SLC9A7: variants seen among roughly 807,000 people sequenced by gnomAD.
SLC9A7 encodes the protein sodium/hydrogen exchanger 7.
A neutral mutation model predicts 52.6 loss-of-function variants in SLC9A7; 19 were observed. That is an observed-to-expected ratio of 0.36 (90% CI 0.25 to 0.53). SLC9A7 has a LOEUF of 0.53. Among genes scored for constraint, SLC9A7 ranks in the 20% least tolerant of loss-of-function variants. SLC9A7 has a pLI of 0.91. For missense variants in SLC9A7, 455 were observed against 597.9 expected (o/e 0.76, Z 2.49); for synonymous variants, 226 against 252.1 (o/e 0.90, Z 0.98).
In SLC9A7 at chrX:46,758,757, G is replaced by A; in HGVS notation, c.273C>T (p.Phe91=). ...LTLTILTIWL[F]KHRRVRFLHE... ...GCAGAAAGCGCACCCGGCGGTGCTTGAAGAGCCAGATGGTGAGGATGGTGA... is the reference window on the plus strand; with the variant it reads ...GCAGAAAGCGCACCCGGCGGTGCTTAAAGAGCCAGATGGTGAGGATGGTGA... The change falls in exon 1 of 17, where the codon TTC becomes TTT. Residue 91 remains phenylalanine (F), a synonymous_variant. Coordinates refer to ENST00000616978, the MANE Select transcript of SLC9A7 (RefSeq NM_001257291.2). 1 of 1,202,266 alleles carries A rather than the reference G, an allele frequency of 8.3e-7. No individual in the cohort carries two copies. The highest frequency in any genetic ancestry group is 1.1e-6 in the Non-Finnish European group (1 of 890,725).
chrX:46,632,113 A>G (rs1346420682), intron 13 of SLC9A7, among the ~76,000 whole-genome samples: 1 of 111,945 alleles, frequency 8.9e-6, no homozygotes, highest in Non-Finnish European at 1.9e-5. Flanking sequence ...ACCCACCATC[A>G]CTAGACTCTA....
At chrX:46,613,542 C>G in intron 15 of SLC9A7, 148 bp from the exon 16 acceptor site, 1 of 398,007 alleles carries the variant, frequency 2.5e-6, no homozygotes, top group Non-Finnish European at 4.4e-6. Flanking sequence ...TAACATGCAA[C>G]AGTTTGAATC....
intron 12 of SLC9A7, among the ~76,000 whole-genome samples, chrX:46,637,548 T>C (rs757861075): frequency 2.6e-4 from 29 of 111,825 alleles, no homozygotes; most frequent in African/African-American, 8.1e-4. Flanking sequence ...TACAGTTCAT[T>C]TGGCCACCTG....
intron 12 of SLC9A7, among the ~76,000 whole-genome samples, chrX:46,638,087 A>G (rs748196630): frequency 1.8e-5 from 2 of 111,916 alleles, no homozygotes; most frequent in South Asian, 7.5e-4. Flanking sequence ...TGCTGATCAT[A>G]TCGAGGTCAC....
At position 46,605,533 on chromosome X, in the gene SLC9A7, G is replaced by A. The variant is rs12688544; in HGVS notation, c.*1419C>T. On this transcript the variant is annotated 3_prime_UTR_variant, in exon 17 of 17. Transcript: ENST00000616978. ...GACTCTTAAGCTTATAGAAGACAGAGCTTTCTAGTGGGCTGAAAATACTTA... is the reference window on the plus strand; with the variant it reads ...GACTCTTAAGCTTATAGAAGACAGAACTTTCTAGTGGGCTGAAAATACTTA... 36,636 of 110,695 alleles carry A rather than the reference G, an allele frequency of 0.33. 5,804 individuals carry two copies. Among genetic ancestry groups the A allele is most frequent in the African/African-American group, 0.6 (18,273 of 30,311 alleles). 9.1% of individuals were successfully genotyped at this position (110,695 alleles called of 1,213,427 possible). A position where few individuals can be genotyped will look rare whatever the true frequency, so the allele number is the denominator to read the frequency against.
At chrX:46,748,420 G>C (rs917525406) in intron 1 of SLC9A7, among the ~76,000 whole-genome samples, 29 of 105,017 alleles carry the variant, frequency 2.8e-4, no homozygotes, top group African/African-American at 9.3e-4. Context: ...AGGAAGGACA[G>C]ACAGAAGGAA....
intron 1 of SLC9A7, among the ~76,000 whole-genome samples, chrX:46,740,308 G>A (rs1921250184): frequency 9.0e-6 from 1 of 111,410 alleles, no homozygotes; most frequent in Non-Finnish European, 1.9e-5. Context: ...CTAAGAACTG[G>A]AACAAGACAA....
chrX:46,725,342 A>C, intron 1 of SLC9A7: 1 of 1,181,131 alleles, frequency 8.5e-7, no homozygotes, highest in Non-Finnish European at 1.2e-6. Flanking sequence ...GGTCATCTTC[A>C]TCCAGTTCTG....
At chrX:46,676,824 T>C (rs1339637429) in intron 3 of SLC9A7, among the ~76,000 whole-genome samples, 3 of 111,465 alleles carry the variant, frequency 2.7e-5, no homozygotes, top group Non-Finnish European at 5.7e-5. Context: ...ATAGTCTTTT[T>C]TGTACAGAAA....
chrX:46,626,780 C>T (rs1278668109), intron 14 of SLC9A7, among the ~76,000 whole-genome samples: 1 of 112,238 alleles, frequency 8.9e-6, no homozygotes, highest in African/African-American at 3.2e-5. Flanking sequence ...CTCTCCTGCT[C>T]CGCTATGGTA....
At chrX:46,753,280 C>CCT (rs1340940451) in intron 1 of SLC9A7, among the ~76,000 whole-genome samples, 16 of 111,481 alleles carry the variant, frequency 1.4e-4, no homozygotes, top group African/African-American at 4.5e-4. Flanking sequence ...TACCACCTCC[C>CCT]CTCTCTCTCT....
intron 1 of SLC9A7, among the ~76,000 whole-genome samples, chrX:46,744,768 A>G (rs1412134741): frequency 8.9e-6 from 1 of 112,006 alleles, no homozygotes; most frequent in Non-Finnish European, 1.9e-5. Flanking sequence ...TTTTAAAAAT[A>G]CCGTGTTTGG....
intron 1 of SLC9A7, among the ~76,000 whole-genome samples, chrX:46,718,998 A>G (rs1417766295): frequency 9.0e-6 from 1 of 111,632 alleles, no homozygotes; most frequent in Non-Finnish European, 1.9e-5. Flanking sequence ...ACATGCACAC[A>G]TATGTTTATT....
At chrX:46,736,009 G>A (rs1244438850) in intron 1 of SLC9A7, among the ~76,000 whole-genome samples, 1 of 111,487 alleles carries the variant, frequency 9.0e-6, no homozygotes, top group Non-Finnish European at 1.9e-5. Context: ...GTTCTCTAAA[G>A]TTCTTGGATC....
In SLC9A7 at chrX:46,605,833, A is replaced by G. The variant is rs1942734465; in HGVS notation, c.*1119T>C. On this transcript the variant is annotated 3_prime_UTR_variant, in exon 17 of 17. Transcript: ENST00000616978. Reference sequence around the variant, plus strand: ...CTTCAGTCCTAGTGATTATTTCCCTAGGCTGTCAGCTCATATGGTAGCCCT... The same window carrying G: ...CTTCAGTCCTAGTGATTATTTCCCTGGGCTGTCAGCTCATATGGTAGCCCT... The G allele has an allele frequency of 9.0e-6, 1 of 111,720 alleles. No individual in the cohort carries two copies. Among genetic ancestry groups the G allele is most frequent in the South Asian group, 3.7e-4 (1 of 2,684 alleles). The allele number at this position is 111,720 out of a possible 1,213,427, so 9.2% of individuals were successfully genotyped here.
At chrX:46,664,186 T>C (rs1602200588) in intron 5 of SLC9A7, among the ~76,000 whole-genome samples, 1 of 110,513 alleles carries the variant, frequency 9.0e-6, no homozygotes, top group East Asian at 2.8e-4. Flanking sequence ...CTGCAAAAAC[T>C]AAAAACCCAC....
At position 46,679,671 on chromosome X, in the gene SLC9A7, A is replaced by G. The variant is rs1187553016; in HGVS notation, c.603+7T>C. 8.5e-6 allele frequency: 10 copies of G among 1,173,407 alleles called. No homozygotes were observed. The highest frequency in any genetic ancestry group is 1.2e-5 in the Non-Finnish European group (10 of 866,990). On this transcript the variant is annotated splice_region_variant and intron_variant, in intron 3 of 16. Coordinates refer to ENST00000616978, the MANE Select transcript of SLC9A7 (RefSeq NM_001257291.2). ...TGATTTCAGAAATACTGGCAAAAAC[A>G]TCTTACCTTCTTTAAGCTGTATCCA...
At chrX:46,707,600 C>T (rs1399441889) in intron 1 of SLC9A7, among the ~76,000 whole-genome samples, 2 of 112,364 alleles carry the variant, frequency 1.8e-5, no homozygotes, top group Non-Finnish European at 3.8e-5. Flanking sequence ...GACTAAATAA[C>T]CTAGTTAAAG....
rs943602084 is a variant in SLC9A7 at position 46,601,384 on chromosome X, G to A, written c.*5568C>T. 8.9e-6 allele frequency: 1 copy of A among 112,618 alleles called. No homozygotes were observed. The highest frequency in any genetic ancestry group is 3.2e-5 in the African/African-American group (1 of 31,005). The allele number at this position is 112,618 out of a possible 1,213,427, so 9.3% of individuals were successfully genotyped here. A position where few individuals can be genotyped will look rare whatever the true frequency, so the allele number is the denominator to read the frequency against. ...CTTCTACTGCAGACAAGGACAGGGA[G>A]AGATAGGATGATGGGATGACGTCAA... On this transcript the variant is annotated 3_prime_UTR_variant, in exon 17 of 17. Coordinates refer to ENST00000616978, the MANE Select transcript of SLC9A7 (RefSeq NM_001257291.2).
Sources: allele counts gnomAD v4.1 joint callset (sites outside exome capture counted in the v4.1 genomes callset), GRCh38; gene constraint gnomAD v4.1.1; transcripts MANE v1.5; gene names NCBI Gene and HGNC (gene_info 2026-07-23, HGNC 2026-07-21).